Variants in JAKMIP1 observed in about 807,000 individuals in gnomAD.
JAKMIP1 encodes the protein janus kinase and microtubule-interacting protein 1.
Under a neutral mutation model 113.0 loss-of-function variants are expected in JAKMIP1, and 33 were observed. That is an observed-to-expected ratio of 0.29 (90% CI 0.22 to 0.39). The LOEUF (loss-of-function observed/expected upper bound fraction) is 0.39. Among genes scored for constraint, JAKMIP1 ranks in the 10% least tolerant of loss-of-function variants. JAKMIP1 has a pLI of 1.00. For missense variants in JAKMIP1, 813 were observed against 1,080.5 expected, an observed-to-expected ratio of 0.75 and a Z score of 3.47; for synonymous variants, 480 against 459.9, an observed-to-expected ratio of 1.04 and a Z score of -0.56.
intron 20 of JAKMIP1, among the ~76,000 whole-genome samples, chr4:6,026,667 G>A (rs1578017775): frequency 1.3e-5 from 2 of 151,724 alleles, no homozygotes; most frequent in South Asian, 4.2e-4. Flanking sequence ...ACCAAGAGAC[G>A]GGGGCGTGAT....
chr4:6,148,298 C>T (rs886893315), intron 1 of JAKMIP1, among the ~76,000 whole-genome samples: 1 of 152,210 alleles, frequency 6.6e-6, no homozygotes, highest in African/African-American at 2.4e-5. Context: ...CCCCAGGAGG[C>T]AATTTACCTA....
At chr4:6,062,513 A>C in intron 9 of JAKMIP1, 73 bp from the exon 10 acceptor site, 1 of 1,483,474 alleles carries the variant, frequency 6.7e-7, no homozygotes, top group East Asian at 2.4e-5. Context: ...GATTGATTTT[A>C]ATAATAAACA....
chr4:6,055,839 AG>A, intron 12 of JAKMIP1, among the ~76,000 whole-genome samples: 1 of 149,258 alleles, frequency 6.7e-6, no homozygotes, highest in African/African-American at 2.5e-5. Context: ...CCATCTCTGC[AG>A]GGTATCCCCA....
chr4:6,054,564 C>A (rs996300081), intron 12 of JAKMIP1, among the ~76,000 whole-genome samples: 1 of 152,188 alleles, frequency 6.6e-6, no homozygotes, highest in Middle Eastern at 3.2e-3. Flanking sequence ...TTCAACCCAC[C>A]CAGACAGAGG....
chr4:6,145,885 TC>T (rs1720780444), intron 1 of JAKMIP1, among the ~76,000 whole-genome samples: 1 of 152,108 alleles, frequency 6.6e-6, no homozygotes, highest in Non-Finnish European at 1.5e-5. Flanking sequence ...TTAGGGACCA[TC>T]CTAATGACCT....
chr4:6,054,782 G>C (rs561970834), intron 12 of JAKMIP1: 1 of 456,622 alleles, frequency 2.2e-6, no homozygotes, highest in East Asian at 6.9e-5. Context: ...AGCACCCATC[G>C]CCTGGCAGCA....
In JAKMIP1 at chr4:6,050,738, T is replaced by A; in HGVS notation, c.1807-59A>T. ...GACCGGATTATTTACCACTTGCCATTTTCCCACGTTACTCAGCAAAAACCA... is the reference window on the plus strand; with the variant it reads ...GACCGGATTATTTACCACTTGCCATATTCCCACGTTACTCAGCAAAAACCA... On this transcript the variant is annotated intron_variant, in intron 13 of 20. Coordinates refer to ENST00000409021, the MANE Select transcript of JAKMIP1 (RefSeq NM_001099433.2). This position sits in a 1 kb window ranked among gnomAD's most constrained non-coding sequence, Gnocchi z 7.4. The A allele has an allele frequency of 7.4e-7, 1 of 1,359,528 alleles. No individual in the cohort carries two copies. The highest frequency in any genetic ancestry group is 1.0e-6 in the Non-Finnish European group (1 of 974,464). The allele number at this position is 1,359,528 out of a possible 1,614,324, so 84.2% of individuals were successfully genotyped here.
rs201648794 is a variant in JAKMIP1, at chr4:6,056,693, G to A, written c.1707+4C>T. 1.7e-4 allele frequency: 277 copies of A among 1,611,150 alleles called. No homozygotes were observed. In the Middle Eastern group the frequency reaches 2.0e-3, roughly 12 times the overall value. On this transcript the variant is annotated splice_donor_region_variant and intron_variant, in intron 12 of 20. Transcript: ENST00000409021. ...GTGTGCTTCCCTGAGGTGGGGTCAC[G>A]CACCTTTTCCAGCAAGTCTTGGTTT...
intron 1 of JAKMIP1, among the ~76,000 whole-genome samples, chr4:6,163,936 A>G (rs545514195): frequency 1.3e-5 from 2 of 152,246 alleles, no homozygotes; most frequent in African/African-American, 2.4e-5. Flanking sequence ...GTCTGAAACT[A>G]GCAGAGGTTG....
chr4:6,084,986 A>AG, intron 4 of JAKMIP1, 21 bp from the exon 5 acceptor site: 1 of 1,550,480 alleles, frequency 6.4e-7, no homozygotes, highest in Non-Finnish European at 8.6e-7. Context: ...AAAAAAAAAA[A>AG]AAAAAAAAGT....
rs1047424023 is a variant in JAKMIP1 at position 6,185,505 on chromosome 4, G to C, written c.-148+14748C>G. Among the ~76,000 whole-genome samples the C allele has an allele frequency of 1.3e-5, 2 of 152,156 alleles. No individual in the cohort carries two copies. Among genetic ancestry groups the C allele is most frequent in the African/African-American group, 2.4e-5 (1 of 41,438 alleles). On this transcript the variant is annotated intron_variant, in intron 1 of 20. Coordinates refer to ENST00000409021, the MANE Select transcript of JAKMIP1 (RefSeq NM_001099433.2). This position sits in a 1 kb window ranked among gnomAD's most constrained non-coding sequence, Gnocchi z 5.3. ...TACTAAAAAATACAAAAAATTAGCC[G>C]GGCGTGGTGGCAGACGCCTGTAGTC...
Position 6,108,691 on chromosome 4 carries a change from A to T in JAKMIP1, c.130-2724T>A, listed in dbSNP as rs1337309216. 1.3e-5 allele frequency among the ~76,000 whole-genome samples: 2 copies of T among 152,158 alleles called. No homozygotes were observed. Among genetic ancestry groups the T allele is most frequent in the East Asian group, 3.9e-4 (2 of 5,184 alleles). ...AAGCCCTCTAAATCTCATGGGTACCAGTTCACTACTCTGAAACCATCATAC... is the reference window on the plus strand; with the variant it reads ...AAGCCCTCTAAATCTCATGGGTACCTGTTCACTACTCTGAAACCATCATAC... On this transcript the variant is annotated intron_variant, in intron 2 of 20. Coordinates refer to ENST00000409021, the MANE Select transcript of JAKMIP1 (RefSeq NM_001099433.2). The surrounding 1 kb of genome is among the most constrained non-coding windows in gnomAD (Gnocchi z 5.6).
rs1720302348 is a variant in JAKMIP1 at position 6,142,487 on chromosome 4, A to G, written c.-147-29490T>C. ...GAGAGAAGTCCTACGTACACTCAGC[A>G]ATATGTAACAGTTAAGGGATTTTGC... On this transcript the variant is annotated intron_variant, in intron 1 of 20. Coordinates refer to ENST00000409021, the MANE Select transcript of JAKMIP1 (RefSeq NM_001099433.2). The surrounding 1 kb of genome is among the most constrained non-coding windows in gnomAD (Gnocchi z 5.5). Among the ~76,000 whole-genome samples, 1 of 152,262 alleles carries G rather than the reference A, an allele frequency of 6.6e-6. No individual in the cohort carries two copies. The highest frequency in any genetic ancestry group is 1.5e-5 in the Non-Finnish European group (1 of 68,052).
chr4:6,190,041 A>G (rs6843780), intron 1 of JAKMIP1, among the ~76,000 whole-genome samples: 71,244 of 151,952 alleles, frequency 0.47, 17,136 homozygotes, highest in African/African-American at 0.57. Context: ...TCTAGCCCCA[A>G]TGACTTCATT....
intron 1 of JAKMIP1, among the ~76,000 whole-genome samples, chr4:6,124,780 C>T (rs1490956159): frequency 6.6e-6 from 1 of 152,228 alleles, no homozygotes; most frequent in Non-Finnish European, 1.5e-5. Flanking sequence ...CTGGGATCAC[C>T]TTCTAACTGT....
chr4:6,152,104 G>A (rs1721635294), intron 1 of JAKMIP1, among the ~76,000 whole-genome samples: 1 of 152,004 alleles, frequency 6.6e-6, no homozygotes, highest in Admixed American at 6.6e-5. Context: ...GGGGAAGGAA[G>A]AAGGGAGAGA....
intron 8 of JAKMIP1, among the ~76,000 whole-genome samples, chr4:6,066,518 T>TTATGGCATTGTG (rs1162918025): frequency 6.6e-6 from 1 of 152,078 alleles, no homozygotes; most frequent in Admixed American, 6.5e-5. Context: ...GCTGCGTCCT[T>TTATGGCATTGTG]TATGGCATTG....
At chr4:6,068,135 A>G (rs1299442210) in intron 8 of JAKMIP1, among the ~76,000 whole-genome samples, 1 of 152,102 alleles carries the variant, frequency 6.6e-6, no homozygotes, top group Non-Finnish European at 1.5e-5. Flanking sequence ...TAAAGACTCA[A>G]CTCTCAAGCC....
Position 6,185,647 on chromosome 4 carries a change from CA to C in JAKMIP1, c.-148+14605del, listed in dbSNP as rs898173607. 6.6e-6 allele frequency among the ~76,000 whole-genome samples: 1 copy of C among 151,752 alleles called. No individual in the cohort carries two copies. The highest frequency in any genetic ancestry group is 1.5e-5 in the Non-Finnish European group (1 of 67,932). On this transcript the variant is annotated intron_variant, in intron 1 of 20. Transcript: ENST00000409021. The surrounding 1 kb of genome is among the most constrained non-coding windows in gnomAD (Gnocchi z 5.3). ...TGAGCGACAGAGGAAGACTCCGTCTCAAAAAAACAAAAGCCAGACCCCAGCT... is the reference window on the plus strand; with the variant it reads ...TGAGCGACAGAGGAAGACTCCGTCTCAAAAAACAAAAGCCAGACCCCAGCT...
Sources: gnomAD v4.1 joint callset for allele counts (sites outside exome capture counted in the v4.1 genomes callset) on GRCh38, gnomAD v4.1.1 for gene constraint, Gnocchi (gnomAD v3.1) non-coding constraint, MANE v1.5 for transcripts, NCBI Gene and HGNC (gene_info 2026-07-23, HGNC 2026-07-21) for gene names.